The following NLRP7 variants were observed in gnomAD, a reference collection of about 807,000 sequenced individuals.
The protein encoded by NLRP7 is NACHT, LRR and PYD domains-containing protein 7.
NLRP7 carries 72 observed loss-of-function variants against 85.5 expected under a neutral mutation model. The ratio of observed to expected loss-of-function variants is 0.84; its 90% CI spans 0.70 to 1.02. The LOEUF is 1.02. Among genes scored for constraint, NLRP7 ranks in the 50% least tolerant of loss-of-function variants. The pLI is 0.00. For synonymous variants in NLRP7, 550 were observed against 505.2 expected (o/e 1.09, Z -1.19); for missense variants, 1,243 against 1,219.5 (o/e 1.02, Z -0.29).
Position 54,934,769 on chromosome 19 carries a change from G to A in NLRP7, c.2301-110C>T, listed in dbSNP as rs2068834630. The A allele has an allele frequency of 1.1e-6, 1 of 884,010 alleles. No individual in the cohort carries two copies. The highest frequency in any genetic ancestry group is 1.7e-6 in the Non-Finnish European group (1 of 584,500). The allele number at this position is 884,010 out of a possible 1,614,324, so 54.8% of individuals were successfully genotyped here. A position where few individuals can be genotyped will look rare whatever the true frequency, so the allele number is the denominator to read the frequency against. On this transcript the variant is annotated intron_variant, in intron 6 of 9. Coordinates refer to ENST00000340844, the Ensembl canonical transcript of NLRP7. This position sits in a 1 kb window ranked among gnomAD's most constrained non-coding sequence, Gnocchi z 6.7. ...CTGTTGCCCAGTCTGGAATGCAAAG[G>A]CGTGATCTCACCTCACTGCAGCCTC...
At chr19:54,947,232 G>C (rs1013215613) in intron 1 of NLRP7, among the ~76,000 whole-genome samples, 1 of 152,186 alleles carries the variant, frequency 6.6e-6, no homozygotes, top group African/African-American at 2.4e-5. Context: ...GGCTGAGGCA[G>C]GAGAATGGCG....
chr19:54,942,199 T>C (rs983317861), intron 1 of NLRP7, among the ~76,000 whole-genome samples: 1 of 129,692 alleles, frequency 7.7e-6, no homozygotes, highest in African/African-American at 3.0e-5. Flanking sequence ...GAGCTTGCAG[T>C]GAGCAGAGAT....
chr19:54,949,801 C>T (rs187813005), upstream of NLRP7, among the ~76,000 whole-genome samples: 10 of 152,184 alleles, frequency 6.6e-5, 1 homozygote, highest in African/African-American at 2.2e-4. Flanking sequence ...TCCATAAACC[C>T]CAAAAGAAAA....
At chr19:54,952,542 A>T (rs553148774) in intron 1 of NLRP7, among the ~76,000 whole-genome samples, 25 of 151,808 alleles carry the variant, frequency 1.6e-4, no homozygotes, top group Middle Eastern at 3.4e-3. Context: ...TGCAGTGAGC[A>T]AAGATCCTGC....
exon 4 of NLRP7, chr19:54,939,935 G>A: frequency 4.3e-6 from 7 of 1,614,156 alleles, no homozygotes; most frequent in Non-Finnish European, 5.9e-6. Context: ...CAGCAAGGCT[G>A]CCCTGGGTAA....
At position 54,934,747 on chromosome 19, in the gene NLRP7, T is replaced by TC; in HGVS notation, c.2301-89_2301-88insG. ...TTTTTTGAGACAGAGTTTCACTCTG[T>TC]TGCCCAGTCTGGAATGCAAAGGCGT... On this transcript the variant is annotated intron_variant, in intron 6 of 9. Coordinates refer to ENST00000340844, the Ensembl canonical transcript of NLRP7. The surrounding 1 kb of genome is among the most constrained non-coding windows in gnomAD (Gnocchi z 6.7). 8.8e-7 allele frequency: 1 copy of TC among 1,134,512 alleles called. No individual in the cohort carries two copies. The highest frequency in any genetic ancestry group is 1.6e-5 in the African/African-American group (1 of 63,722). 70.3% of individuals were successfully genotyped at this position (1,134,512 alleles called of 1,614,324 possible).
At chr19:54,946,652 T>C (rs2069488935) in intron 1 of NLRP7, among the ~76,000 whole-genome samples, 2 of 151,512 alleles carry the variant, frequency 1.3e-5, no homozygotes, top group South Asian at 4.2e-4. Flanking sequence ...GCCTTCTTTG[T>C]TTTTTGAGAC....
At chr19:54,943,098 G>A (rs1602189820) in intron 1 of NLRP7, among the ~76,000 whole-genome samples, 1 of 151,670 alleles carries the variant, frequency 6.6e-6, no homozygotes, top group Non-Finnish European at 1.5e-5. Context: ...AGTGAGCTGA[G>A]ATAGCGCCAT....
intron 1 of NLRP7, among the ~76,000 whole-genome samples, chr19:54,946,177 G>C (rs1156995723): frequency 1.3e-5 from 2 of 151,896 alleles, no homozygotes; most frequent in East Asian, 3.9e-4. Flanking sequence ...AAAGTGCTGG[G>C]ATCACAGGCG....
chr19:54,938,861 A>T (rs1240306662), intron 4 of NLRP7, 27 bp downstream of exon 4: 2 of 1,612,194 alleles, frequency 1.2e-6, no homozygotes, highest in African/African-American at 2.7e-5. Context: ...TTCCTAGTGG[A>T]GCGTGGGATG....
chr19:54,937,480 T>A (rs2068984156), intron 5 of NLRP7, among the ~76,000 whole-genome samples: 1 of 151,562 alleles, frequency 6.6e-6, no homozygotes. Flanking sequence ...TCACCTTAGG[T>A]CAGGAGTTCG....
intron 1 of NLRP7, among the ~76,000 whole-genome samples, chr19:54,943,412 T>C (rs1192477753): frequency 6.6e-6 from 1 of 151,926 alleles, no homozygotes; most frequent in Non-Finnish European, 1.5e-5. Context: ...CCATCCTGGC[T>C]AACACGGTGA....
intron 7 of NLRP7, 35 bp from the exon 8 acceptor site, chr19:54,933,774 GA>G: frequency 6.3e-7 from 1 of 1,587,366 alleles, no homozygotes; most frequent in Non-Finnish European, 8.7e-7. Context: ...AGAAGGATGA[GA>G]ACATTTCCAC....
At chr19:54,957,884 C>T (rs1311205349) in intron 1 of NLRP7, among the ~76,000 whole-genome samples, 4 of 152,092 alleles carry the variant, frequency 2.6e-5, no homozygotes, top group Non-Finnish European at 5.9e-5. Flanking sequence ...TCAAGACTGG[C>T]CCGGTGTACA....
intron 1 of NLRP7, among the ~76,000 whole-genome samples, chr19:54,943,738 T>C (rs1179731588): frequency 6.6e-6 from 1 of 152,048 alleles, no homozygotes; most frequent in Non-Finnish European, 1.5e-5. Context: ...CTGTGACGTG[T>C]GGGGAAAAGG....
chr19:54,946,213 ATT>A (rs71181717), intron 1 of NLRP7, among the ~76,000 whole-genome samples: 101 of 127,626 alleles, frequency 7.9e-4, no homozygotes, highest in East Asian at 1.2e-3. Context: ...GGCCATTTAC[ATT>A]TTTTTTTTTT....
At chr19:54,956,896 C>T (rs908548948) in intron 1 of NLRP7, among the ~76,000 whole-genome samples, 4 of 151,798 alleles carry the variant, frequency 2.6e-5, no homozygotes, top group African/African-American at 7.2e-5. Flanking sequence ...TCCCAAAGTG[C>T]TGGAATTACA....
chr19:54,960,836 C>T (rs2070017687), intron 1 of NLRP7, among the ~76,000 whole-genome samples: 1 of 151,908 alleles, frequency 6.6e-6, no homozygotes, highest in African/African-American at 2.4e-5. Flanking sequence ...ACCTCGTGAT[C>T]CGCTTGCCTC....
At chr19:54,941,118 C>T (rs1210826851) in intron 2 of NLRP7, 113 bp from the exon 3 acceptor site, 1 of 842,710 alleles carries the variant, frequency 1.2e-6, no homozygotes, top group Non-Finnish European at 2.0e-6. Flanking sequence ...AATCACAGCA[C>T]TTTGGAAGGC....
Sources: allele counts gnomAD v4.1 joint callset (sites outside exome capture counted in the v4.1 genomes callset), GRCh38; gene constraint gnomAD v4.1.1; non-coding constraint Gnocchi (gnomAD v3.1); transcripts MANE v1.5; gene names NCBI Gene and HGNC (gene_info 2026-07-23, HGNC 2026-07-21).